The following MMP26 variants were observed in gnomAD, a reference collection of about 807,000 sequenced individuals.
MMP26 encodes matrix metalloproteinase-26.
MMP26 carries 33 observed loss-of-function variants against 31.0 expected under a neutral mutation model. The ratio of observed to expected loss-of-function variants is 1.06; its 90% CI spans 0.81 to 1.42. The LOEUF (loss-of-function observed/expected upper bound fraction) is 1.42, where lower values mean the gene tolerates loss of function less well. Among genes scored for constraint, MMP26 ranks in the 40% most tolerant of loss-of-function variants. MMP26 has a pLI of 0.00. For missense variants in MMP26, 347 were observed against 316.1 expected, an observed-to-expected ratio of 1.10 and a Z score of -0.74; for synonymous variants, 122 against 114.9, an observed-to-expected ratio of 1.06 and a Z score of -0.40.
intron 2 of MMP26, chr11:4,876,637 C>G (rs938593859): frequency 4.6e-5 from 7 of 152,272 alleles, no homozygotes; most frequent in African/African-American, 1.7e-4. Context: ...CAGAGAAAGA[C>G]TTATGGATGG....
At chr11:4,773,595 G>GTTTTT (rs3065888) in intron 2 of MMP26, among the ~76,000 whole-genome samples, 4 of 108,392 alleles carry the variant, frequency 3.7e-5, no homozygotes, top group African/African-American at 1.2e-4. Context: ...TGTTTGTGGG[G>GTTTTT]TTTTTTTTTT....
intron 2 of MMP26, chr11:4,955,736 A>T (rs769910133): frequency 6.4e-7 from 1 of 1,571,448 alleles, no homozygotes; most frequent in African/African-American, 1.4e-5. Flanking sequence ...GGGCTCTGCT[A>T]TGAAAAATAC....
chr11:4,991,591 G>A (rs1312040429), intron 6 of MMP26, 95 bp downstream of exon 6: 1 of 1,477,836 alleles, frequency 6.8e-7, no homozygotes, highest in African/African-American at 1.4e-5. Context: ...TGGTCAGGGT[G>A]AGGTGGAAGA....
At chr11:4,891,413 G>A (rs1196534297) in intron 2 of MMP26, among the ~76,000 whole-genome samples, 1 of 152,062 alleles carries the variant, frequency 6.6e-6, no homozygotes, top group African/African-American at 2.4e-5. Context: ...ACTATCAAGA[G>A]GACAGTACCA....
At chr11:4,725,303 A>T (rs1202212848) in intron 1 of MMP26, among the ~76,000 whole-genome samples, 2 of 152,222 alleles carry the variant, frequency 1.3e-5, no homozygotes, top group African/African-American at 4.8e-5. Flanking sequence ...CTAAAAAGTG[A>T]AATTTGAGAC....
chr11:4,769,724 A>T, intron 2 of MMP26: 1 of 1,613,586 alleles, frequency 6.2e-7, no homozygotes, highest in Non-Finnish European at 8.5e-7. Flanking sequence ...TAGCCTGAAG[A>T]GGAAATAATA....
intron 2 of MMP26, among the ~76,000 whole-genome samples, chr11:4,931,946 G>T (rs840714): frequency 0.96 from 146,706 of 152,154 alleles, 70,771 homozygotes; most frequent in East Asian, 1. Flanking sequence ...GCACACGTTC[G>T]GTTCTTTTCT....
chr11:4,980,353 A>C (rs1846794952), intron 2 of MMP26, among the ~76,000 whole-genome samples: 1 of 152,078 alleles, frequency 6.6e-6, no homozygotes, highest in African/African-American at 2.4e-5. Context: ...AAGAGTCCAC[A>C]GTTGTGAGGG....
chr11:4,786,609 T>C (rs1190357219), intron 2 of MMP26: 2 of 151,258 alleles, frequency 1.3e-5, no homozygotes, highest in Admixed American at 6.6e-5. Context: ...ATGAGGGCTA[T>C]TGTATTTTTC....
intron 2 of MMP26, among the ~76,000 whole-genome samples, chr11:4,784,059 G>T (rs955601712): frequency 2.6e-5 from 4 of 152,218 alleles, no homozygotes; most frequent in Non-Finnish European, 4.4e-5. Flanking sequence ...ACTCTGAAGT[G>T]CAGGCGAGGC....
rs1166662247 is a variant in MMP26, at chr11:4,813,011, G to GTA, written c.-145+45672_-145+45673dup. ...TGTATATGTGCGAGTGTGTGTGTGT[G>GTA]TATGTATATATATATATATATGGGA... On this transcript the variant is annotated intron_variant, in intron 2 of 7. Coordinates refer to ENST00000380390, the MANE Select transcript of MMP26 (RefSeq NM_021801.5). 3.4e-5 allele frequency among the ~76,000 whole-genome samples: 5 copies of GTA among 148,476 alleles called. No homozygotes were observed. In the South Asian group the frequency reaches 8.3e-4, roughly 25 times the overall value.
In MMP26 at chr11:4,991,995, G is replaced by C. The variant is rs551177575; in HGVS notation, c.627G>C (p.Glu209Asp). Residue 209 changes from glutamate to aspartate, a missense_variant, in exon 7 of 8, where the codon GAG becomes GAC. Transcript: ENST00000380390. The stretch of plus-strand genomic sequence containing the variant: ...ATCTGTTCCTGGTTGCAACTCATGA[G>C]ATTGGGCATTCTTTGGGCCTGCAGC... Reference protein sequence around the residue: ...GYNLFLVATHEIGHSLGLQHS... With the variant: ...GYNLFLVATHDIGHSLGLQHS... 1.3e-4 allele frequency: 205 copies of C among 1,609,294 alleles called. 1 individual carries two copies. The South Asian group carries it at 2.2e-3, about 17-fold the overall frequency.
chr11:4,871,468 G>A (rs928104329), intron 2 of MMP26, among the ~76,000 whole-genome samples: 2 of 151,956 alleles, frequency 1.3e-5, no homozygotes, highest in African/African-American at 4.8e-5. Context: ...ATATAGGACT[G>A]AGAATAATTC....
chr11:4,763,430 T>G (rs1848592799), intron 1 of MMP26, among the ~76,000 whole-genome samples: 1 of 152,228 alleles, frequency 6.6e-6, no homozygotes, highest in Non-Finnish European at 1.5e-5. Context: ...AATATTGCCT[T>G]AATTACTTTA....
chr11:4,724,011 A>T, intron 1 of MMP26: 1 of 701,506 alleles, frequency 1.4e-6, no homozygotes, highest in Non-Finnish European at 2.6e-6. Flanking sequence ...TGGACCCACC[A>T]TAACCTCCAC....
chr11:4,838,193 C>T (rs1849744849), intron 2 of MMP26, among the ~76,000 whole-genome samples: 1 of 150,178 alleles, frequency 6.7e-6, no homozygotes, highest in Non-Finnish European at 1.5e-5. Flanking sequence ...TGGTGGGTGC[C>T]CGTAGTCCCA....
chr11:4,829,967 G>A (rs1447639132), intron 2 of MMP26, among the ~76,000 whole-genome samples: 6 of 152,144 alleles, frequency 3.9e-5, no homozygotes, highest in Middle Eastern at 3.2e-3. Flanking sequence ...AGTTAAAGCC[G>A]TCACTGTGAT....
At chr11:4,857,914 G>C (rs931531587) in intron 2 of MMP26, among the ~76,000 whole-genome samples, 1 of 152,162 alleles carries the variant, frequency 6.6e-6, no homozygotes, top group East Asian at 1.9e-4. Flanking sequence ...TGCAAGGCTG[G>C]TTCGACATAT....
At chr11:4,760,551 C>G (rs1848558572) in intron 1 of MMP26, among the ~76,000 whole-genome samples, 1 of 152,156 alleles carries the variant, frequency 6.6e-6, no homozygotes, top group South Asian at 2.1e-4. Context: ...AACATTGAGC[C>G]AGTTTCCTTG....
Sources: gnomAD v4.1 joint callset for allele counts (sites outside exome capture counted in the v4.1 genomes callset) on GRCh38, gnomAD v4.1.1 for gene constraint, MANE v1.5 for transcripts, NCBI Gene and HGNC (gene_info 2026-07-23, HGNC 2026-07-21) for gene names.